Variants in CDC40 observed in about 807,000 individuals in gnomAD.
The protein encoded by CDC40 is cell division cycle 40, also known as pre-mRNA-processing factor 17.
Under a neutral mutation model 80.6 loss-of-function variants are expected in CDC40, and 27 were observed. That is an observed-to-expected ratio of 0.33 (90% confidence interval 0.25 to 0.46). The LOEUF is 0.46. Ranked by LOEUF, CDC40 falls within the 20% of genes least tolerant of loss-of-function variation. The probability of loss-of-function intolerance (pLI) is 1.00; values close to 1 mark genes in which losing one functional copy is unlikely to be tolerated. For synonymous variants in CDC40, 221 were observed against 232.6 expected (o/e 0.95, Z 0.45); for missense variants, 486 against 694.1 (o/e 0.70, Z 3.37).
At chr6:110,199,899 G>A (rs758503666) in intron 2 of CDC40, among the ~76,000 whole-genome samples, 7 of 152,080 alleles carry the variant, frequency 4.6e-5, no homozygotes, top group South Asian at 4.1e-4. Context: ...TGACCGTAGC[G>A]GGTAGAGAAT....
chr6:110,196,866 A>T (rs1777425230), intron 2 of CDC40, among the ~76,000 whole-genome samples: 1 of 152,158 alleles, frequency 6.6e-6, no homozygotes, highest in South Asian at 2.1e-4. Context: ...TCACCTTAAA[A>T]TTTGTTTATA....
chr6:110,211,033 G>T, intron 6 of CDC40: 1 of 211,140 alleles, frequency 4.7e-6, no homozygotes, highest in Non-Finnish European at 9.8e-6. Flanking sequence ...TTTTTTCCAA[G>T]TGTGAATGAA....
chr6:110,213,524 G>C (rs907877162), intron 8 of CDC40, among the ~76,000 whole-genome samples: 1 of 151,434 alleles, frequency 6.6e-6, no homozygotes, highest in Non-Finnish European at 1.5e-5. Context: ...CCAGTAGCTA[G>C]GACTACAGGC....
At chr6:110,213,749 C>G (rs1343380948) in intron 8 of CDC40, among the ~76,000 whole-genome samples, 1 of 152,056 alleles carries the variant, frequency 6.6e-6, no homozygotes, top group South Asian at 2.1e-4. Flanking sequence ...CATCCTTTTT[C>G]TTCTAAATAC....
At chr6:110,221,919 G>A (rs1419374402) in intron 12 of CDC40, among the ~76,000 whole-genome samples, 1 of 142,286 alleles carries the variant, frequency 7.0e-6, no homozygotes, top group Non-Finnish European at 1.5e-5. Flanking sequence ...CTCCTAAAAA[G>A]TCATGATACT....
chr6:110,187,494 A>G (rs754263499), intron 1 of CDC40, among the ~76,000 whole-genome samples: 2 of 152,100 alleles, frequency 1.3e-5, no homozygotes, highest in South Asian at 2.1e-4. Context: ...TCCCTCTGCA[A>G]TCTGTTAAGG....
intron 9 of CDC40, among the ~76,000 whole-genome samples, chr6:110,216,889 T>C (rs1009923127): frequency 2.0e-4 from 30 of 152,136 alleles, no homozygotes; most frequent in African/African-American, 6.3e-4. Context: ...TATCAAAATA[T>C]CATCTTAAAG....
intron 3 of CDC40, among the ~76,000 whole-genome samples, chr6:110,205,379 T>G (rs1777549155): frequency 6.6e-6 from 1 of 152,216 alleles, no homozygotes; most frequent in Non-Finnish European, 1.5e-5. Context: ...TGGACTGAAA[T>G]TTAGTAGTGT....
rs534936683 is a variant in CDC40 at position 110,217,842 on chromosome 6, A to G, written c.1090+39A>G. The stretch of plus-strand genomic sequence containing the variant: ...TATGCTAATACACATTCATCTTACA[A>G]GTTATTTATATTTGAAATGGTGTGA... On this transcript the variant is annotated intron_variant, in intron 10 of 14. Coordinates refer to ENST00000307731, the MANE Select transcript of CDC40 (RefSeq NM_015891.3). The G allele has an allele frequency of 1.1e-5, 11 of 1,018,782 alleles. No individual in the cohort carries two copies. In the East Asian group the frequency reaches 2.6e-4, roughly 24 times the overall value. The allele number at this position is 1,018,782 out of a possible 1,614,324, so 63.1% of individuals were successfully genotyped here. A position where few individuals can be genotyped will look rare whatever the true frequency, so the allele number is the denominator to read the frequency against.
chr6:110,188,401 A>C (rs1777302476), intron 1 of CDC40, among the ~76,000 whole-genome samples: 1 of 152,182 alleles, frequency 6.6e-6, no homozygotes, highest in Non-Finnish European at 1.5e-5. Context: ...TATAGTACTG[A>C]GTTTGCTATT....
chr6:110,223,801 GGTTTTGTTTT>G (rs59654476), intron 12 of CDC40, among the ~76,000 whole-genome samples: 5,196 of 143,316 alleles, frequency 0.036, 98 homozygotes, highest in Admixed American at 0.062. Context: ...CAACTTGTAG[GGTTTTGTTTT>G]GTTTTGTTTT....
At chr6:110,204,049 C>G (rs1584071179) in intron 3 of CDC40, among the ~76,000 whole-genome samples, 1 of 152,206 alleles carries the variant, frequency 6.6e-6, no homozygotes, top group African/African-American at 2.4e-5. Context: ...GTCTCACTCT[C>G]TTGCCCAGGC....
intron 1 of CDC40, among the ~76,000 whole-genome samples, chr6:110,192,662 A>G (rs1377310694): frequency 6.6e-6 from 1 of 152,220 alleles, no homozygotes; most frequent in Non-Finnish European, 1.5e-5. Context: ...AGTGGAGATG[A>G]GATGTTTATT....
intron 12 of CDC40, among the ~76,000 whole-genome samples, chr6:110,222,185 G>C (rs190268933): frequency 3.3e-5 from 5 of 152,070 alleles, no homozygotes; most frequent in African/African-American, 1.2e-4. Flanking sequence ...TGTCTGGGAG[G>C]TCAAGGCTGC....
chr6:110,211,990 T>A (rs1777642809), intron 6 of CDC40, 143 bp from the exon 7 acceptor site: 2 of 632,134 alleles, frequency 3.2e-6, no homozygotes, highest in Non-Finnish European at 5.4e-6. Context: ...AGCTGACTCA[T>A]GATCTTGACA....
At chr6:110,193,472 T>A (rs1297201151) in intron 2 of CDC40, among the ~76,000 whole-genome samples, 1 of 152,008 alleles carries the variant, frequency 6.6e-6, no homozygotes, top group Non-Finnish European at 1.5e-5. Context: ...TGGCGCAATC[T>A]CGGCTCACTG....
At chr6:110,196,480 G>C (rs77063545) in intron 2 of CDC40, among the ~76,000 whole-genome samples, 12,967 of 151,982 alleles carry the variant, frequency 0.085, 859 homozygotes, top group African/African-American at 0.19. Flanking sequence ...AATCTGCTTA[G>C]ACAAAAATGT....
intron 1 of CDC40, among the ~76,000 whole-genome samples, chr6:110,182,984 G>T (rs1777219793): frequency 6.6e-6 from 1 of 152,124 alleles, no homozygotes; most frequent in Non-Finnish European, 1.5e-5. Flanking sequence ...TGTGAGTCCT[G>T]CTATTCTCCC....
intron 1 of CDC40, among the ~76,000 whole-genome samples, chr6:110,185,904 C>G (rs1777263413): frequency 6.6e-6 from 1 of 152,150 alleles, no homozygotes; most frequent in African/African-American, 2.4e-5. Flanking sequence ...AAAATCATTA[C>G]ATTATCTCCC....
Sources: gnomAD v4.1 joint callset for allele counts (sites outside exome capture counted in the v4.1 genomes callset) on GRCh38, gnomAD v4.1.1 for gene constraint, MANE v1.5 for transcripts, NCBI Gene and HGNC (gene_info 2026-07-23, HGNC 2026-07-21) for gene names.